NCSTN: variants seen among roughly 807,000 people sequenced by gnomAD.
NCSTN encodes the protein anterior pharynx-defective 2.
NCSTN carries 22 observed loss-of-function variants against 87.0 expected under a neutral mutation model. The ratio of observed to expected loss-of-function variants is 0.25; its 90% CI spans 0.18 to 0.36. NCSTN has a LOEUF of 0.36. Among genes scored for constraint, NCSTN ranks in the 10% least tolerant of loss-of-function variants. The probability of loss-of-function intolerance (pLI) is 1.00; values close to 1 mark genes in which losing one functional copy is unlikely to be tolerated. For missense variants in NCSTN, 693 were observed against 883.3 expected, an observed-to-expected ratio of 0.78 and a Z score of 2.73; for synonymous variants, 306 against 327.1, an observed-to-expected ratio of 0.94 and a Z score of 0.69.
chr1:160,358,320 A>G lies in NCSTN; in HGVS notation c.*49A>G, dbSNP rs1221564416. ...AGCTCAGCAGTTCACTTCCTAGAGCATCTGTCCCACTGGGACACAACCACT... is the reference window on the plus strand; with the variant it reads ...AGCTCAGCAGTTCACTTCCTAGAGCGTCTGTCCCACTGGGACACAACCACT... On this transcript the variant is annotated 3_prime_UTR_variant, in exon 17 of 17. Coordinates refer to ENST00000294785, the MANE Select transcript of NCSTN (RefSeq NM_015331.3). 3.7e-6 allele frequency: 6 copies of G among 1,612,666 alleles called. No homozygotes were observed. The highest frequency in any genetic ancestry group is 1.7e-5 in the Admixed American group (1 of 60,006).
chr1:160,356,018 C>T, intron 13 of NCSTN, 60 bp downstream of exon 13: 3 of 1,473,300 alleles, frequency 2.0e-6, no homozygotes, highest in East Asian at 2.3e-5. Flanking sequence ...CCCTATCCTC[C>T]CTTGCCCTAG....
chr1:160,356,939 C>A, intron 15 of NCSTN, 102 bp from the exon 16 acceptor site: 1 of 1,377,486 alleles, frequency 7.3e-7, no homozygotes, highest in Non-Finnish European at 1.0e-6. Context: ...GGACAGCAGC[C>A]AGTTAGCTCA....
Position 160,358,208 on chromosome 1 carries a change from C to A in NCSTN, c.2067C>A (p.Cys689Ter), listed in dbSNP as rs1270630842. The change falls in exon 17 of 17, where the codon TGC (cysteine) becomes TGA (stop). Residue 689 changes from cysteine (C) to a stop codon, truncating the protein, a stop_gained. Coordinates refer to ENST00000294785, the MANE Select transcript of NCSTN (RefSeq NM_015331.3). LOFTEE classifies it high-confidence loss of function. ...TCTTCTCCCTCATCGTCACCTACTG[C>A]ATCAATGCCAAAGCTGATGTCCTTT... ...ILIFSLIVTYCINAKADVLFI... is the reference protein window; with the variant it reads ...ILIFSLIVTY 2 of 1,614,154 alleles carry A rather than the reference C, an allele frequency of 1.2e-6. No individual in the cohort carries two copies. Among genetic ancestry groups the A allele is most frequent in the Non-Finnish European group, 1.7e-6 (2 of 1,180,024 alleles).
intron 5 of NCSTN, 75 bp from the exon 6 acceptor site, chr1:160,351,147 G>A (rs1648814147): frequency 1.3e-6 from 2 of 1,504,938 alleles, no homozygotes; most frequent in South Asian, 2.3e-5. Flanking sequence ...ATGGAACTGG[G>A]CCCTCCTCCT....
intron 15 of NCSTN, 131 bp downstream of exon 15, chr1:160,356,885 G>T (rs1308084236): frequency 7.1e-7 from 1 of 1,406,214 alleles, no homozygotes; most frequent in Non-Finnish European, 9.9e-7. Flanking sequence ...CAGCAATTGG[G>T]TGTTGAAAAG....
intron 6 of NCSTN, 99 bp from the exon 7 acceptor site, chr1:160,351,597 T>G: frequency 7.7e-7 from 1 of 1,305,942 alleles, no homozygotes; most frequent in Non-Finnish European, 1.1e-6. Context: ...GAAAACGACT[T>G]AGAGTCCGTG....
intron 15 of NCSTN, 27 bp from the exon 16 acceptor site, chr1:160,357,014 G>A (rs200137000): frequency 1.8e-5 from 28 of 1,583,824 alleles, no homozygotes; most frequent in South Asian, 3.3e-5. Context: ...CACCCTAGCC[G>A]TGTGTTGTGG....
At position 160,358,638 on chromosome 1, in the gene NCSTN, C is replaced by A. The variant is rs1043230; in HGVS notation, c.*367C>A. 4.7e-3 allele frequency: 1,593 copies of A among 339,702 alleles called. 26 individuals are homozygous for A. Among genetic ancestry groups the A allele is most frequent in the African/African-American group, 0.031 (1,467 of 46,908 alleles). 21.0% of individuals were successfully genotyped at this position (339,702 alleles called of 1,614,324 possible). A position where few individuals can be genotyped will look rare whatever the true frequency, so the allele number is the denominator to read the frequency against. On this transcript the variant is annotated 3_prime_UTR_variant, in exon 17 of 17. Coordinates refer to ENST00000294785, the MANE Select transcript of NCSTN (RefSeq NM_015331.3). Reference sequence around the variant, plus strand: ...TACCTCTCTCTGCTCCTCACCCCCACCCCTGTACCCAGCCACCTTCCTGAC... The same window carrying A: ...TACCTCTCTCTGCTCCTCACCCCCAACCCTGTACCCAGCCACCTTCCTGAC...
intron 16 of NCSTN, among the ~76,000 whole-genome samples, chr1:160,357,702 G>A (rs1002876628): frequency 3.9e-5 from 6 of 152,176 alleles, no homozygotes; most frequent in South Asian, 2.1e-4. Flanking sequence ...CACTGCACCC[G>A]GCCAGGAGGC....
In NCSTN at chr1:160,351,349, A is replaced by T. The variant is rs200265412; in HGVS notation, c.710A>T (p.Gln237Leu). ...TATCMRRSSI[Q>L]STFSINPEIV... ...ACCTGCATGCGGCGCAGCTCCATCC[A>T]AAGCACCTTCAGCATCAACCCAGGT... The change falls in exon 6 of 17, where the codon CAA (glutamine) becomes CTA (leucine). Residue 237 changes from glutamine to leucine, a missense_variant. Coordinates refer to ENST00000294785, the MANE Select transcript of NCSTN (RefSeq NM_015331.3). 8.7e-6 allele frequency: 14 copies of T among 1,614,196 alleles called. No individual in the cohort carries two copies. Among genetic ancestry groups the T allele is most frequent in the Admixed American group, 1.7e-5 (1 of 60,028 alleles).
rs1649157260 is a variant in NCSTN at position 160,356,872 on chromosome 1, C to T, written c.1794+118C>T. ...GGATGGAGAGGTGGAGAGATGCAGT[C>T]CTCAGCAATTGGGTGTTGAAAAGCC... On this transcript the variant is annotated intron_variant, in intron 15 of 16. Coordinates refer to ENST00000294785, the MANE Select transcript of NCSTN (RefSeq NM_015331.3). 2.1e-6 allele frequency: 3 copies of T among 1,442,596 alleles called. No individual in the cohort carries two copies. In the South Asian group the frequency reaches 3.6e-5, roughly 17 times the overall value. 89.4% of individuals were successfully genotyped at this position (1,442,596 alleles called of 1,614,324 possible).
intron 7 of NCSTN, 33 bp from the exon 8 acceptor site, chr1:160,352,021 T>C (rs1468299463): frequency 3.1e-6 from 5 of 1,612,568 alleles, no homozygotes; most frequent in Non-Finnish European, 4.2e-6. Flanking sequence ...TTTTAAAGTA[T>C]ATATCCCCTG....
intron 2 of NCSTN, among the ~76,000 whole-genome samples, chr1:160,345,795 G>A (rs374664838): frequency 5.3e-5 from 8 of 151,284 alleles, no homozygotes; most frequent in Admixed American, 4.6e-4. Context: ...AAATTAGCCG[G>A]CTGGCTGCTA....
chr1:160,349,702 T>C (rs758651121), intron 4 of NCSTN, 32 bp downstream of exon 4: 2 of 1,612,256 alleles, frequency 1.2e-6, no homozygotes, highest in Non-Finnish European at 1.7e-6. Context: ...GAGAGCCTAC[T>C]GTCACCTAAG....
At chr1:160,345,938 GAAAAAAAAAAAAA>G (rs56358787) in intron 2 of NCSTN, among the ~76,000 whole-genome samples, 2 of 59,808 alleles carry the variant, frequency 3.3e-5, no homozygotes, top group Non-Finnish European at 5.9e-5. Context: ...GACACTGTCT[GAAAAAAAAAAAAA>G]AAAAAAAAAA....
chr1:160,349,358 G>T, intron 3 of NCSTN, 191 bp from the exon 4 acceptor site: 1 of 969,090 alleles, frequency 1.0e-6, no homozygotes, highest in South Asian at 1.4e-5. Flanking sequence ...CCTCCCTGGG[G>T]TCCTTACTCA....
chr1:160,347,148 CAA>C (rs747960020), intron 2 of NCSTN, among the ~76,000 whole-genome samples: 9 of 152,330 alleles, frequency 5.9e-5, no homozygotes, highest in African/African-American at 1.4e-4. Context: ...TACAGAGAAA[CAA>C]GAGGGGGTAA....
At chr1:160,353,091 T>C (rs988122193) in intron 9 of NCSTN, 69 bp from the exon 10 acceptor site, 8 of 1,587,986 alleles carry the variant, frequency 5.0e-6, no homozygotes, top group Non-Finnish European at 6.9e-6. Flanking sequence ...TTCCCTTGAC[T>C]TCTATCCCCT....
rs1483186384 is a variant in NCSTN at position 160,349,103 on chromosome 1, G to A, written c.295G>A (p.Glu99Lys). The A allele has an allele frequency of 1.2e-6, 2 of 1,614,028 alleles. No homozygotes were observed. Among genetic ancestry groups the A allele is most frequent in the African/African-American group, 2.7e-5 (2 of 74,910 alleles). Residue 99 changes from glutamate to lysine, a missense_variant, in exon 3 of 17, where the codon GAG becomes AAG. Glu to Lys is a moderately conservative substitution (Grantham distance 56). This residue lies in a region of NCSTN where 235 missense variants were observed against 233.9 expected (regional missense o/e 1.00). Coordinates refer to ENST00000294785, the MANE Select transcript of NCSTN (RefSeq NM_015331.3). ...GPNPPYMVLLESKHFTRDLME... is the reference protein window; with the variant it reads ...GPNPPYMVLLKSKHFTRDLME... Reference sequence around the variant, plus strand: ...CAACCCCCCTTACATGGTTCTGCTGGAGAGCAAGCATTTTACCAGGTAAGA... The same window carrying A: ...CAACCCCCCTTACATGGTTCTGCTGAAGAGCAAGCATTTTACCAGGTAAGA...
Sources: gnomAD v4.1 joint callset for allele counts (sites outside exome capture counted in the v4.1 genomes callset) on GRCh38, gnomAD v4.1.1 for gene constraint, gnomAD v4.1.1 regional missense constraint, MANE v1.5 for transcripts, NCBI Gene and HGNC (gene_info 2026-07-23, HGNC 2026-07-21) for gene names.